Variants in OCLN observed in about 807,000 individuals in gnomAD.
OCLN encodes the protein occludin.
A neutral mutation model predicts 47.9 loss-of-function variants in OCLN; 21 were observed. That is an observed-to-expected ratio of 0.44 (90% CI 0.31 to 0.63). OCLN has a LOEUF of 0.63. Ranked by LOEUF, OCLN falls within the 30% of genes least tolerant of loss-of-function variation. The pLI is 0.08. For missense variants in OCLN, 360 were observed against 571.0 expected, an observed-to-expected ratio of 0.63 and a Z score of 3.77; for synonymous variants, 117 against 198.4, an observed-to-expected ratio of 0.59 and a Z score of 3.45.
chr5:69,516,175 A>G (rs1433059321), intron 4 of OCLN, among the ~76,000 whole-genome samples: 1 of 151,952 alleles, frequency 6.6e-6, no homozygotes, highest in Non-Finnish European at 1.5e-5. Context: ...TAGCGAGCCG[A>G]GATCACGCCA....
At chr5:69,519,948 A>G (rs1461839298) in intron 4 of OCLN, among the ~76,000 whole-genome samples, 2 of 152,144 alleles carry the variant, frequency 1.3e-5, no homozygotes, top group Non-Finnish European at 2.9e-5. Context: ...GGCCAACTGT[A>G]TAAAGTAATT....
Position 69,493,623 on chromosome 5 carries a change from GC to G in OCLN, c.-69+728del, listed in dbSNP as rs997401912. On this transcript the variant is annotated intron_variant, in intron 1 of 8. Transcript: ENST00000396442. This position sits in a 1 kb window ranked among gnomAD's most constrained non-coding sequence, Gnocchi z 5.3. ...ATTCTCATCCGTGACCAAAAGGGCT[GC>G]CCCCAGGGGGGCGGAACTGCCTCCG... 2.3e-4 allele frequency among the ~76,000 whole-genome samples: 35 copies of G among 152,264 alleles called. No homozygotes were observed. The highest frequency in any genetic ancestry group is 8.4e-4 in the African/African-American group (35 of 41,574).
At chr5:69,503,182 A>G (rs1232949777) in intron 1 of OCLN, among the ~76,000 whole-genome samples, 1 of 152,006 alleles carries the variant, frequency 6.6e-6, no homozygotes, top group Non-Finnish European at 1.5e-5. Context: ...CTAGTCCTTC[A>G]TTGTTGCCTC....
At chr5:69,518,004 C>G (rs991062481) in intron 4 of OCLN, among the ~76,000 whole-genome samples, 3 of 152,264 alleles carry the variant, frequency 2.0e-5, no homozygotes, top group Middle Eastern at 3.4e-3. Context: ...ACAACAAACC[C>G]GACTCAAGGG....
At chr5:69,549,564 GT>G (rs999754388) in intron 7 of OCLN, among the ~76,000 whole-genome samples, 8 of 135,478 alleles carry the variant, frequency 5.9e-5, no homozygotes, top group Admixed American at 1.5e-4. Flanking sequence ...CAGTTTATGG[GT>G]TTTTTTTTTC....
intron 4 of OCLN, among the ~76,000 whole-genome samples, chr5:69,525,402 C>T (rs1769252407): frequency 6.6e-6 from 1 of 151,968 alleles, no homozygotes; most frequent in African/African-American, 2.4e-5. Context: ...CCGTGCCTGG[C>T]CTGTGAGTGT....
chr5:69,515,368 C>T (rs1274798798), intron 4 of OCLN, among the ~76,000 whole-genome samples: 3 of 144,362 alleles, frequency 2.1e-5, no homozygotes, highest in Admixed American at 2.0e-4. Context: ...GGCAGAGGGG[C>T]CCCTCACCTC....
chr5:69,517,295 A>AATAT (rs202209882), intron 4 of OCLN, among the ~76,000 whole-genome samples: 2 of 112,594 alleles, frequency 1.8e-5, no homozygotes, highest in South Asian at 3.0e-4. Flanking sequence ...TAAAGACATT[A>AATAT]ATATATATAT....
At chr5:69,507,215 A>C (rs773261939) in intron 2 of OCLN, among the ~76,000 whole-genome samples, 5 of 152,030 alleles carry the variant, frequency 3.3e-5, no homozygotes, top group Non-Finnish European at 5.9e-5. Flanking sequence ...GCTCACTGCA[A>C]CCTCCACTTC....
At chr5:69,501,702 C>CACAT (rs1768463162) in intron 1 of OCLN, among the ~76,000 whole-genome samples, 1 of 151,858 alleles carries the variant, frequency 6.6e-6, no homozygotes, top group Non-Finnish European at 1.5e-5. Flanking sequence ...ATGATTTGTG[C>CACAT]ACTTTTCTCT....
In OCLN at chr5:69,514,049, C is replaced by T. The variant is rs770524702; in HGVS notation, c.831C>T (p.Ser277=). The T allele has an allele frequency of 1.9e-6, 3 of 1,613,768 alleles. No individual in the cohort carries two copies. Among genetic ancestry groups the T allele is most frequent in the Non-Finnish European group, 2.5e-6 (3 of 1,179,874 alleles). ...GAAAGATGGACAGGTATGACAAGTC[C>T]AATATTTTGTGGGACAAGGAACACA... ...TRRKMDRYDK[S]NILWDKEHIY... Residue 277 remains serine (S), a synonymous_variant, in exon 4 of 9, where the codon TCC becomes TCT. Transcript: ENST00000396442.
In OCLN at chr5:69,533,019, G is replaced by GTGTGTGTGTGTA. The variant is rs1450177727; in HGVS notation, c.892-1670_892-1669insGTGTGTATGTGT. 1.7e-4 allele frequency among the ~76,000 whole-genome samples: 25 copies of GTGTGTGTGTGTA among 148,450 alleles called. No homozygotes were observed. The East Asian group carries it at 4.0e-3, about 24-fold the overall frequency. ...CATGTATGTGTGTGTGTGTGTGTGT[G>GTGTGTGTGTGTA]TGTGTATACACACACACATGTATAT... On this transcript the variant is annotated intron_variant, in intron 4 of 8. Coordinates refer to ENST00000396442, the MANE Select transcript of OCLN (RefSeq NM_001205254.2).
intron 4 of OCLN, among the ~76,000 whole-genome samples, chr5:69,518,939 C>G (rs1015081213): frequency 6.6e-6 from 1 of 152,090 alleles, no homozygotes; most frequent in African/African-American, 2.4e-5. Context: ...GAGTTTAAGA[C>G]CATCTGGGGC....
At chr5:69,535,730 G>A (rs1303983896) in intron 5 of OCLN, among the ~76,000 whole-genome samples, 1 of 144,946 alleles carries the variant, frequency 6.9e-6, no homozygotes, top group East Asian at 2.1e-4. Context: ...CGCTACAAAT[G>A]CAGACAGCAT....
chr5:69,509,647 T>A lies in OCLN; in HGVS notation c.557T>A (p.Val186Glu). ...IIVSAILGIM[V>E]FIATIVYIMG... ...GTGAGTGCTATCCTGGGCATCATGGTGTTTATTGCCACAATTGTCTATATA... is the reference window on the plus strand; with the variant it reads ...GTGAGTGCTATCCTGGGCATCATGGAGTTTATTGCCACAATTGTCTATATA... Residue 186 changes from valine to glutamate, a missense_variant, in exon 3 of 9, where the codon GTG becomes GAG. Physicochemically the swap from Val to Glu is moderately radical, Grantham distance 121. This residue lies in a region of OCLN where 314 missense variants were observed against 368.1 expected (regional missense o/e 0.85). Coordinates refer to ENST00000396442, the MANE Select transcript of OCLN (RefSeq NM_001205254.2). 6.2e-7 allele frequency: 1 copy of A among 1,614,212 alleles called. No individual in the cohort carries two copies. The highest frequency in any genetic ancestry group is 1.3e-5 in the African/African-American group (1 of 75,068).
At chr5:69,521,169 TTAAAACCAAAAA>T (rs1421366002) in intron 4 of OCLN, among the ~76,000 whole-genome samples, 1 of 152,210 alleles carries the variant, frequency 6.6e-6, no homozygotes, top group Admixed American at 6.5e-5. Context: ...TGGTGTTATT[TTAAAACCAAAAA>T]TAGGATCATA....
chr5:69,512,036 A>AAAAG (rs1561337147), intron 3 of OCLN, among the ~76,000 whole-genome samples: 3 of 147,638 alleles, frequency 2.0e-5, no homozygotes, highest in Non-Finnish European at 1.5e-5. Flanking sequence ...AAAAAAAAAA[A>AAAAG]AAAAAAAAAT....
At chr5:69,505,295 A>C (rs1021690204) in intron 2 of OCLN, among the ~76,000 whole-genome samples, 2 of 152,204 alleles carry the variant, frequency 1.3e-5, no homozygotes, top group African/African-American at 4.8e-5. Flanking sequence ...ATTGAGATAT[A>C]ATTAACATAC....
intron 4 of OCLN, among the ~76,000 whole-genome samples, chr5:69,522,743 C>G (rs1233139279): frequency 6.9e-6 from 1 of 145,290 alleles, no homozygotes; most frequent in African/African-American, 2.5e-5. Flanking sequence ...TTTTTTTTTT[C>G]TTGAGGCAAG....
Sources: gnomAD v4.1 joint callset for allele counts (sites outside exome capture counted in the v4.1 genomes callset) on GRCh38, gnomAD v4.1.1 for gene constraint, gnomAD v4.1.1 regional missense constraint, Gnocchi (gnomAD v3.1) non-coding constraint, MANE v1.5 for transcripts, NCBI Gene and HGNC (gene_info 2026-07-23, HGNC 2026-07-21) for gene names.